STMND1: variants seen among roughly 807,000 people sequenced by gnomAD.
STMND1 encodes the protein stathmin domain containing 1.
In STMND1, 17 loss-of-function variants were observed where a neutral mutation model predicts 23.0. The ratio of observed to expected loss-of-function variants is 0.74; its 90% confidence interval spans 0.51 to 1.11. The LOEUF is 1.11. Ranked by LOEUF, STMND1 falls within the 50% of genes least tolerant of loss-of-function variation. STMND1 has a pLI of 0.00. For synonymous variants in STMND1, 114 were observed against 119.9 expected (o/e 0.95, Z 0.32); for missense variants, 305 against 329.1 (o/e 0.93, Z 0.57).
intron 1 of STMND1, chr6:17,110,920 A>C (rs922838508): frequency 1.1e-5 from 5 of 455,150 alleles, no homozygotes; most frequent in Non-Finnish European, 1.8e-5. Flanking sequence ...GATAGCATCC[A>C]TTGAAATGAG....
intron 2 of STMND1, among the ~76,000 whole-genome samples, chr6:17,117,724 G>A (rs1366955004): frequency 8.8e-6 from 1 of 114,240 alleles, no homozygotes; most frequent in Non-Finnish European, 1.6e-5. Context: ...CACCCAAGCT[G>A]GATTGCAGTG....
chr6:17,115,044 C>G lies in STMND1; in HGVS notation c.164C>G (p.Ala55Gly). 2 of 1,535,936 alleles carry G rather than the reference C, an allele frequency of 1.3e-6. No homozygotes were observed. The highest frequency in any genetic ancestry group is 1.4e-5 in the African/African-American group (1 of 73,144). The change falls in exon 2 of 5, where the codon GCA (alanine) becomes GGA (glycine). Residue 55 changes from alanine (A) to glycine (G), a missense_variant. Ala to Gly is a moderately conservative substitution (Grantham distance 60). Coordinates refer to ENST00000536551, the MANE Select transcript of STMND1 (RefSeq NM_001190766.2). ...CTGACCAAGAATACTGTGGACATTG[C>G]AGAAGGCCTGGAACAAGTCCAGATG... is the stretch of plus-strand genomic sequence containing the variant. ...AALTKNTVDIAEGLEQVQMGS... is the reference protein window; with the variant it reads ...AALTKNTVDIGEGLEQVQMGS...
Position 17,131,007 on chromosome 6 carries a change from A to T in STMND1, c.*126A>T, listed in dbSNP as rs1761385787. On this transcript the variant is annotated 3_prime_UTR_variant, in exon 5 of 5. Coordinates refer to ENST00000536551, the MANE Select transcript of STMND1 (RefSeq NM_001190766.2). ...GATTTCTGCCTTGGGCTTAAGGATG[A>T]TTGTGTGGGCTGCACAGGCTGAAGG... The T allele has an allele frequency of 1.1e-6, 1 of 916,338 alleles. No individual in the cohort carries two copies. 56.8% of individuals were successfully genotyped at this position (916,338 alleles called of 1,614,324 possible). A position where few individuals can be genotyped will look rare whatever the true frequency, so the allele number is the denominator to read the frequency against.
At position 17,129,243 on chromosome 6, in the gene STMND1, G is replaced by A. The variant is rs1761352455; in HGVS notation, c.543G>A (p.Lys181=). 6.5e-7 allele frequency: 1 copy of A among 1,535,778 alleles called. No homozygotes were observed. ...TGGAGGCTGCCGAGGAGCGCAGGAA[G>A]GTAGTGAGCTCTCAGATGCTCTAGG... ...EKMEAAEERR[K]TKEEEIRKRL... is the part of the protein sequence containing the mutation. The change falls in exon 4 of 5, where the codon AAG becomes AAA. Residue 181 remains lysine, a splice_region_variant and synonymous_variant. Transcript: ENST00000536551.
intron 3 of STMND1, among the ~76,000 whole-genome samples, chr6:17,121,441 G>A (rs761206372): frequency 2.0e-5 from 3 of 152,088 alleles, no homozygotes; most frequent in Non-Finnish European, 4.4e-5. Flanking sequence ...CTATGTAATA[G>A]GCATTGTACA....
At chr6:17,119,722 A>G (rs995354750) in intron 2 of STMND1, among the ~76,000 whole-genome samples, 7 of 152,002 alleles carry the variant, frequency 4.6e-5, no homozygotes, top group Admixed American at 4.6e-4. Flanking sequence ...AAGAAAAGAA[A>G]TTTTTATGGG....
chr6:17,112,056 T>C (rs1212369950), intron 1 of STMND1, among the ~76,000 whole-genome samples: 1 of 152,198 alleles, frequency 6.6e-6, no homozygotes, highest in Non-Finnish European at 1.5e-5. Context: ...TAGCATCCAT[T>C]TAAAATGTAC....
At position 17,131,136 on chromosome 6, in the gene STMND1, A is replaced by G; in HGVS notation, c.*255A>G. ...CACTCTCCTTTGTGTGGCTTCAAACATTATGGAGATGTCTTTAATTCATTT... is the reference window on the plus strand; with the variant it reads ...CACTCTCCTTTGTGTGGCTTCAAACGTTATGGAGATGTCTTTAATTCATTT... On this transcript the variant is annotated 3_prime_UTR_variant, in exon 5 of 5. Coordinates refer to ENST00000536551, the MANE Select transcript of STMND1 (RefSeq NM_001190766.2). 1 of 378,428 alleles carries G rather than the reference A, an allele frequency of 2.6e-6. No individual in the cohort carries two copies. The highest frequency in any genetic ancestry group is 4.7e-6 in the Non-Finnish European group (1 of 213,836). 23.4% of individuals were successfully genotyped at this position (378,428 alleles called of 1,614,324 possible).
At chr6:17,114,831 C>A in intron 1 of STMND1, 131 bp from the exon 2 acceptor site, 1 of 987,564 alleles carries the variant, frequency 1.0e-6, no homozygotes, top group Non-Finnish European at 1.4e-6. Context: ...GGACCCCGAT[C>A]TATGGCTTTC....
intron 3 of STMND1, among the ~76,000 whole-genome samples, chr6:17,126,068 ATAT>A (rs1761298357): frequency 9.4e-5 from 2 of 21,380 alleles, no homozygotes; most frequent in African/African-American, 2.5e-4. Context: ...ATATATATAT[ATAT>A]TTTTTTTTTT....
chr6:17,127,962 C>CATATATATGTGTGTGTAT (rs143888157), intron 3 of STMND1: 1 of 151,512 alleles, frequency 6.6e-6, no homozygotes, highest in Non-Finnish European at 1.5e-5. Flanking sequence ...ATATCCTTAA[C>CATATATATGTGTGTGTAT]ATATATATGT....
intron 1 of STMND1, among the ~76,000 whole-genome samples, chr6:17,103,566 C>CTTTTTTTTT (rs68161737): frequency 1.1e-4 from 9 of 82,114 alleles, no homozygotes; most frequent in Non-Finnish European, 1.5e-4. Flanking sequence ...GACCCATTAC[C>CTTTTTTTTT]TTTTTTTTTT....
At chr6:17,108,688 T>C (rs1189220223) in intron 1 of STMND1, among the ~76,000 whole-genome samples, 1 of 115,046 alleles carries the variant, frequency 8.7e-6, no homozygotes, top group Non-Finnish European at 1.9e-5. Flanking sequence ...CCTGTTCTTT[T>C]TCTTTTTCTT....
chr6:17,125,405 TA>T (rs1761282702), intron 3 of STMND1, among the ~76,000 whole-genome samples: 2 of 152,198 alleles, frequency 1.3e-5, no homozygotes, highest in South Asian at 4.1e-4. Context: ...GTTCGTCTTT[TA>T]TCCCAAATTC....
intron 1 of STMND1, among the ~76,000 whole-genome samples, chr6:17,113,093 A>G (rs1761115484): frequency 6.6e-6 from 1 of 152,228 alleles, no homozygotes; most frequent in Non-Finnish European, 1.5e-5. Context: ...GTGAGCAAAC[A>G]CATCTGGGCA....
chr6:17,116,770 A>C (rs1761166597), intron 2 of STMND1, among the ~76,000 whole-genome samples: 2 of 152,238 alleles, frequency 1.3e-5, no homozygotes, highest in Middle Eastern at 3.4e-3. Flanking sequence ...CAAGTTTCAC[A>C]CTAACATTCC....
At chr6:17,124,607 T>C (rs562127572) in intron 3 of STMND1, among the ~76,000 whole-genome samples, 1 of 152,230 alleles carries the variant, frequency 6.6e-6, no homozygotes, top group Non-Finnish European at 1.5e-5. Flanking sequence ...TTAATTTTCA[T>C]CATAATCTTG....
At chr6:17,114,265 C>CTT (rs529561200) in intron 1 of STMND1, among the ~76,000 whole-genome samples, 77 of 140,238 alleles carry the variant, frequency 5.5e-4, no homozygotes, top group African/African-American at 1.4e-3. Flanking sequence ...ATTAGATTCT[C>CTT]TTTTTTTTTT....
intron 3 of STMND1, among the ~76,000 whole-genome samples, chr6:17,126,034 T>TTTTTTA (rs1348334184): frequency 7.4e-4 from 31 of 42,008 alleles, no homozygotes; most frequent in African/African-American, 3.9e-3. Flanking sequence ...GATCATTGTT[T>TTTTTTA]TATATATATA....
Sources: allele counts gnomAD v4.1 joint callset (sites outside exome capture counted in the v4.1 genomes callset), GRCh38; gene constraint gnomAD v4.1.1; transcripts MANE v1.5; gene names NCBI Gene and HGNC (gene_info 2026-07-23, HGNC 2026-07-21).